The following GGT5 variants were observed in gnomAD, a reference collection of about 807,000 sequenced individuals.
GGT5 encodes gamma-glutamyltransferase 5.
Under a neutral mutation model 58.1 loss-of-function variants are expected in GGT5, and 50 were observed. The observed-to-expected ratio is 0.86, with a 90% CI of 0.69 to 1.09. The LOEUF is 1.09. GGT5 is among the 50% of genes least tolerant of loss of function. GGT5 has a pLI of 0.00. For synonymous variants in GGT5, 370 were observed against 346.1 expected (o/e 1.07, Z -0.77); for missense variants, 800 against 789.4 (o/e 1.01, Z -0.16).
chr22:24,233,830 T>C lies in GGT5; in HGVS notation c.304+44A>G, dbSNP rs762552727. The stretch of plus-strand genomic sequence containing the variant: ...CTGGAGAAGGGGTTACGCAGTGGTG[T>C]GGACAAGCCCATCTTCCCCATGGCA... On this transcript the variant is annotated intron_variant, in intron 2 of 11. Coordinates refer to ENST00000327365, the MANE Select transcript of GGT5 (RefSeq NM_004121.5). 1.9e-6 allele frequency: 3 copies of C among 1,585,576 alleles called. No individual in the cohort carries two copies. The African/African-American group carries it at 4.0e-5, about 21-fold the overall frequency.
rs2047710627 is a variant in GGT5, at chr22:24,225,109, G to A, written c.1504-3C>T. 6.3e-7 allele frequency: 1 copy of A among 1,599,032 alleles called. No individual in the cohort carries two copies. Among genetic ancestry groups the A allele is most frequent in the Admixed American group, 1.7e-5 (1 of 57,658 alleles). ...AGCCACAGCTTGCTCATGATGGCCT[G>A]GGGGAGAGATGAGGGTTTCAGGGAG... On this transcript the variant is annotated splice_polypyrimidine_tract_variant and splice_region_variant and intron_variant, in intron 10 of 11. Coordinates refer to ENST00000327365, the MANE Select transcript of GGT5 (RefSeq NM_004121.5).
At chr22:24,235,407 A>C (rs1422382229) in intron 1 of GGT5, among the ~76,000 whole-genome samples, 3 of 152,172 alleles carry the variant, frequency 2.0e-5, no homozygotes, top group Non-Finnish European at 4.4e-5. Flanking sequence ...CAAGGCCCAA[A>C]GAGGGAATGG....
chr22:24,225,566 G>T lies in GGT5; in HGVS notation c.1316C>A (p.Ser439Tyr). The part of the protein sequence containing the change: ...LDLCERCPRG[S>Y]GTTPSPVSGD... ...CTCACCAGGTGAGGGGGTGGTGCCGGAACCCCGGGGGCATCGCTCGCATAA... is the reference window on the plus strand; with the variant it reads ...CTCACCAGGTGAGGGGGTGGTGCCGTAACCCCGGGGGCATCGCTCGCATAA... The change falls in exon 9 of 12, where the codon TCC (serine) becomes TAC (tyrosine). Residue 439 changes from serine to tyrosine, a missense_variant. Physicochemically the swap from Ser to Tyr is moderately radical, Grantham distance 144. Transcript: ENST00000327365. 1.2e-6 allele frequency: 2 copies of T among 1,612,090 alleles called. No individual in the cohort carries two copies. Among genetic ancestry groups the T allele is most frequent in the Non-Finnish European group, 1.7e-6 (2 of 1,178,194 alleles).
At chr22:24,234,662 A>G (rs866874256) in intron 1 of GGT5, among the ~76,000 whole-genome samples, 39 of 152,178 alleles carry the variant, frequency 2.6e-4, no homozygotes, top group African/African-American at 8.9e-4. Flanking sequence ...TCTACTAAAA[A>G]TACAAAAATT....
intron 11 of GGT5, among the ~76,000 whole-genome samples, chr22:24,221,936 T>G (rs1265915406): frequency 6.7e-6 from 1 of 150,180 alleles, no homozygotes; most frequent in Non-Finnish European, 1.5e-5. Flanking sequence ...CCCAGCACTT[T>G]GGGAGGCCAA....
chr22:24,235,484 G>A (rs941137551), intron 1 of GGT5, among the ~76,000 whole-genome samples: 3 of 152,056 alleles, frequency 2.0e-5, no homozygotes, highest in Non-Finnish European at 4.4e-5. Context: ...TCAGGTGTCT[G>A]TCCTGACCTA....
intron 1 of GGT5, among the ~76,000 whole-genome samples, chr22:24,239,022 T>A (rs1238266880): frequency 8.1e-6 from 1 of 123,400 alleles, no homozygotes; most frequent in Non-Finnish European, 1.6e-5. Context: ...AAGATATTTT[T>A]TCCCAAAGAT....
intron 11 of GGT5, among the ~76,000 whole-genome samples, chr22:24,223,361 A>G (rs928037169): frequency 6.6e-6 from 1 of 152,184 alleles, no homozygotes; most frequent in Admixed American, 6.5e-5. Flanking sequence ...AGATCATGCC[A>G]CTGCACTCCA....
At chr22:24,239,293 T>G (rs1316096031) in intron 1 of GGT5, among the ~76,000 whole-genome samples, 1 of 151,058 alleles carries the variant, frequency 6.6e-6, no homozygotes, top group Admixed American at 6.6e-5. Context: ...GAGCCGAGAT[T>G]GTGCCACTGC....
intron 6 of GGT5, among the ~76,000 whole-genome samples, chr22:24,230,417 G>A (rs528793240): frequency 4.0e-5 from 6 of 151,242 alleles, no homozygotes; most frequent in South Asian, 2.1e-4. Flanking sequence ...AATCAGCGGC[G>A]TGTGGTGGCC....
chr22:24,225,915 G>A (rs2047746042), intron 8 of GGT5, among the ~76,000 whole-genome samples, 161 bp downstream of exon 8: 7 of 152,160 alleles, frequency 4.6e-5, no homozygotes, highest in Admixed American at 4.6e-4. Flanking sequence ...TTTCCAGCCA[G>A]AGATGTCAGG....
Position 24,232,954 on chromosome 22 carries a change from G to A in GGT5, c.465C>T (p.Gly155=), listed in dbSNP as rs376086222. ...RGYAEAHRRH[G]RLPWAQLFQP... is the part of the protein sequence containing the mutation. Reference sequence around the variant, plus strand: ...GGAACAGCTGCGCCCAGGGCAGGCGGCCATGGCGGCGGTGGGCCTCGGCAT... The same window carrying A: ...GGAACAGCTGCGCCCAGGGCAGGCGACCATGGCGGCGGTGGGCCTCGGCAT... Residue 155 remains glycine (G), a synonymous_variant, in exon 4 of 12, where the codon GGC becomes GGT. Coordinates refer to ENST00000327365, the MANE Select transcript of GGT5 (RefSeq NM_004121.5). 29 of 1,566,534 alleles carry A rather than the reference G, an allele frequency of 1.9e-5. No homozygotes were observed. Among genetic ancestry groups the A allele is most frequent in the Non-Finnish European group, 2.3e-5 (27 of 1,156,164 alleles).
At chr22:24,224,644 T>G (rs1289439641) in intron 11 of GGT5, among the ~76,000 whole-genome samples, 1 of 152,136 alleles carries the variant, frequency 6.6e-6, no homozygotes, top group Non-Finnish European at 1.5e-5. Flanking sequence ...CAAATATTAG[T>G]TACAAATCAC....
chr22:24,227,866 A>G (rs2047813672), intron 6 of GGT5, among the ~76,000 whole-genome samples: 1 of 151,854 alleles, frequency 6.6e-6, no homozygotes, highest in Non-Finnish European at 1.5e-5. Context: ...CCTGACTAAC[A>G]TGGTGAAACC....
intron 11 of GGT5, chr22:24,220,605 A>C: frequency 2.2e-6 from 1 of 453,788 alleles, no homozygotes. Flanking sequence ...AAAAATAAGA[A>C]ATAAAAAAAA....
chr22:24,233,966 G>T lies in GGT5; in HGVS notation c.212C>A (p.Thr71Asn). The T allele has an allele frequency of 6.2e-7, 1 of 1,613,514 alleles. No homozygotes were observed. Among genetic ancestry groups the T allele is most frequent in the Non-Finnish European group, 8.5e-7 (1 of 1,179,732 alleles). Reference protein sequence around the residue: ...LQQQGSPVDATIAALVCTSVV... With the variant: ...LQQQGSPVDANIAALVCTSVV... ...GCTGGTGCAGACCAGAGCCGCGATGGTGGCATCCACGGGTGAGCCCTGCTG... is the reference window on the plus strand; with the variant it reads ...GCTGGTGCAGACCAGAGCCGCGATGTTGGCATCCACGGGTGAGCCCTGCTG... The change falls in exon 2 of 12, where the codon ACC becomes AAC. Residue 71 changes from threonine (T) to asparagine (N), a missense_variant. Physicochemically the swap from Thr to Asn is moderately conservative, Grantham distance 65. Transcript: ENST00000327365.
intron 1 of GGT5, 163 bp downstream of exon 1, chr22:24,244,388 TCA>T: frequency 3.1e-6 from 2 of 640,400 alleles, no homozygotes; most frequent in Non-Finnish European, 5.6e-6. Flanking sequence ...ACACTCACAC[TCA>T]CATACACTCA....
intron 1 of GGT5, among the ~76,000 whole-genome samples, chr22:24,239,310 G>T (rs1329737207): frequency 2.0e-5 from 3 of 151,784 alleles, no homozygotes; most frequent in Non-Finnish European, 4.4e-5. Flanking sequence ...CTGCACTCCA[G>T]CCTGGGCGAC....
At chr22:24,221,033 C>G (rs9612567) in intron 11 of GGT5, among the ~76,000 whole-genome samples, 83,853 of 151,250 alleles carry the variant, frequency 0.55, 24,396 homozygotes, top group African/African-American at 0.75. Flanking sequence ...CTGGGCAAAA[C>G]AGCAAGACTG....
Sources: allele counts gnomAD v4.1 joint callset (sites outside exome capture counted in the v4.1 genomes callset), GRCh38; gene constraint gnomAD v4.1.1; transcripts MANE v1.5; gene names NCBI Gene and HGNC (gene_info 2026-07-23, HGNC 2026-07-21).